The following SPIDR variants were observed in gnomAD, a reference collection of about 807,000 sequenced individuals.
SPIDR encodes the protein DNA repair-scaffolding protein.
A neutral mutation model predicts 104.6 loss-of-function variants in SPIDR; 93 were observed. That is an observed-to-expected ratio of 0.89 (90% CI 0.75 to 1.06). The LOEUF is 1.06. Among genes scored for constraint, SPIDR ranks in the 50% least tolerant of loss-of-function variants. The pLI is 0.00. For synonymous variants in SPIDR, 431 were observed against 416.9 expected (o/e 1.03, Z -0.41); for missense variants, 1,154 against 1,111.2 (o/e 1.04, Z -0.55).
intron 10 of SPIDR, among the ~76,000 whole-genome samples, chr8:47,624,184 C>A (rs1056648143): frequency 3.9e-5 from 6 of 152,148 alleles, no homozygotes; most frequent in Non-Finnish European, 8.8e-5. Context: ...TTCTTTGAAA[C>A]CAATGAGAAC....
chr8:47,345,442 G>T (rs2051745155), intron 5 of SPIDR, among the ~76,000 whole-genome samples: 1 of 152,162 alleles, frequency 6.6e-6, no homozygotes, highest in Non-Finnish European at 1.5e-5. Flanking sequence ...ACTTGGCAAT[G>T]CGGGCTCTTT....
intron 11 of SPIDR, among the ~76,000 whole-genome samples, chr8:47,695,430 G>A (rs1589267740): frequency 6.6e-6 from 1 of 152,100 alleles, no homozygotes; most frequent in African/African-American, 2.4e-5. Context: ...CATGGGCCAG[G>A]TGCTTCCTTG....
intron 5 of SPIDR, among the ~76,000 whole-genome samples, chr8:47,387,733 T>G (rs1246318228): frequency 6.6e-6 from 1 of 152,240 alleles, no homozygotes; most frequent in Non-Finnish European, 1.5e-5. Context: ...TTGGCCGGGA[T>G]ATTTACAGTA....
intron 6 of SPIDR, among the ~76,000 whole-genome samples, chr8:47,400,970 C>T (rs1294337448): frequency 6.6e-6 from 1 of 152,028 alleles, no homozygotes; most frequent in Non-Finnish European, 1.5e-5. Context: ...CATTCAAATT[C>T]AGGAAATACA....
Position 47,544,573 on chromosome 8 carries a change from G to A in SPIDR, c.1098-51238G>A, listed in dbSNP as rs543024658. Among the ~76,000 whole-genome samples, 6 of 152,216 alleles carry A rather than the reference G, an allele frequency of 3.9e-5. No individual in the cohort carries two copies. The South Asian group carries it at 8.3e-4, about 21-fold the overall frequency. On this transcript the variant is annotated intron_variant, in intron 8 of 19. Transcript: ENST00000297423. ...TGGTTTTTCTGTTTTTTGCCTGTGG[G>A]TGTCCAATTTCTCCACCATTTGTTG...
chr8:47,434,061 A>C (rs1240025866), intron 7 of SPIDR, among the ~76,000 whole-genome samples: 1 of 152,210 alleles, frequency 6.6e-6, no homozygotes, highest in Admixed American at 6.5e-5. Flanking sequence ...TACATGTATT[A>C]TTTTTGGGGG....
chr8:47,506,463 G>A (rs1484883915), intron 8 of SPIDR, among the ~76,000 whole-genome samples: 1 of 151,914 alleles, frequency 6.6e-6, no homozygotes, highest in African/African-American at 2.4e-5. Flanking sequence ...TCTAATTTAG[G>A]CAGTGTTCTG....
intron 8 of SPIDR, among the ~76,000 whole-genome samples, chr8:47,501,886 C>T (rs1266562747): frequency 2.0e-5 from 3 of 152,114 alleles, no homozygotes; most frequent in African/African-American, 4.8e-5. Flanking sequence ...GCCTTTTCTG[C>T]CTCTATTCAG....
intron 5 of SPIDR, among the ~76,000 whole-genome samples, chr8:47,375,487 G>A (rs868909364): frequency 2.6e-5 from 4 of 151,860 alleles, no homozygotes; most frequent in South Asian, 4.2e-4. Flanking sequence ...TGATCTGCCC[G>A]CCTCGGCCTC....
At chr8:47,522,619 A>C (rs989363323) in intron 8 of SPIDR, among the ~76,000 whole-genome samples, 27 of 152,196 alleles carry the variant, frequency 1.8e-4, no homozygotes, top group African/African-American at 5.8e-4. Flanking sequence ...GTTCCTACCC[A>C]AAATCACACA....
At chr8:47,668,022 A>G (rs920237320) in intron 10 of SPIDR, 2 of 152,220 alleles carry the variant, frequency 1.3e-5, no homozygotes, top group African/African-American at 2.4e-5. Context: ...AAAAAGTTCA[A>G]ATAGTCCAGT....
At chr8:47,439,185 A>T (rs1290375626) in intron 7 of SPIDR, among the ~76,000 whole-genome samples, 1 of 152,162 alleles carries the variant, frequency 6.6e-6, no homozygotes, top group African/African-American at 2.4e-5. Context: ...TATAATAGAA[A>T]CAATATGACA....
chr8:47,622,146 A>G (rs1464987705), intron 10 of SPIDR, among the ~76,000 whole-genome samples: 1 of 152,156 alleles, frequency 6.6e-6, no homozygotes, highest in Non-Finnish European at 1.5e-5. Context: ...TCAGCCCTGC[A>G]GGGAGGCCCA....
At chr8:47,518,877 C>T (rs938620444) in intron 8 of SPIDR, among the ~76,000 whole-genome samples, 6 of 152,226 alleles carry the variant, frequency 3.9e-5, no homozygotes, top group African/African-American at 1.2e-4. Flanking sequence ...CCTTGTGATC[C>T]GCCCGCCTTG....
intron 5 of SPIDR, among the ~76,000 whole-genome samples, chr8:47,342,855 G>C (rs1488251967): frequency 6.6e-6 from 1 of 152,072 alleles, no homozygotes; most frequent in Non-Finnish European, 1.5e-5. Flanking sequence ...AACCAGACTA[G>C]TCATATTTAT....
In SPIDR at chr8:47,735,781, T is replaced by C. The variant is rs991106504; in HGVS notation, c.*331T>C. The C allele has an allele frequency of 1.6e-5, 8 of 502,376 alleles. No homozygotes were observed. Among genetic ancestry groups the C allele is most frequent in the African/African-American group, 1.5e-4 (8 of 51,980 alleles). 31.1% of individuals were successfully genotyped at this position (502,376 alleles called of 1,614,324 possible). A position where few individuals can be genotyped will look rare whatever the true frequency, so the allele number is the denominator to read the frequency against. ...TTTGTTCATTTGTAATTTTAACAAG[T>C]TGAACATTTTACCATGATTGAACAT... is the stretch of plus-strand genomic sequence containing the variant. On this transcript the variant is annotated 3_prime_UTR_variant, in exon 20 of 20. Transcript: ENST00000297423.
rs2062073179 is a variant in SPIDR at position 47,402,682 on chromosome 8, A to C, written c.777-5179A>C. Among the ~76,000 whole-genome samples the C allele has an allele frequency of 2.0e-5, 3 of 151,354 alleles. No individual in the cohort carries two copies. The Admixed American group carries it at 2.0e-4, about 10-fold the overall frequency. On this transcript the variant is annotated intron_variant, in intron 6 of 19. Coordinates refer to ENST00000297423, the MANE Select transcript of SPIDR (RefSeq NM_001080394.4). ...AAGCTGAATCCCTGAATAGACCAAT[A>C]ACAGGTTCTGAAAATGAGGCAATAA... is the stretch of plus-strand genomic sequence containing the variant.
chr8:47,483,983 T>TAA (rs552813536), intron 8 of SPIDR, among the ~76,000 whole-genome samples: 10 of 146,382 alleles, frequency 6.8e-5, no homozygotes, highest in African/African-American at 1.7e-4. Context: ...AGCTTCGTGT[T>TAA]AAAAAAAAAA....
At chr8:47,500,996 A>T (rs561293654) in intron 8 of SPIDR, among the ~76,000 whole-genome samples, 16 of 151,996 alleles carry the variant, frequency 1.1e-4, no homozygotes, top group Non-Finnish European at 2.2e-4. Flanking sequence ...TGTTCCATTG[A>T]TCTATATCTC....
Sources: gnomAD v4.1 joint callset for allele counts (sites outside exome capture counted in the v4.1 genomes callset) on GRCh38, gnomAD v4.1.1 for gene constraint, MANE v1.5 for transcripts, NCBI Gene and HGNC (gene_info 2026-07-23, HGNC 2026-07-21) for gene names.